Variants in LARS2 observed in about 807,000 individuals in gnomAD.
LARS2 encodes the protein leucyl-tRNA synthetase 2, mitochondrial, also known as leucine--tRNA ligase, mitochondrial.
Under a neutral mutation model 116.6 loss-of-function variants are expected in LARS2, and 81 were observed. That is an observed-to-expected ratio of 0.69 (90% CI 0.58 to 0.84). The LOEUF (loss-of-function observed/expected upper bound fraction) is 0.84. Among genes scored for constraint, LARS2 ranks in the 40% least tolerant of loss-of-function variants. The probability of loss-of-function intolerance (pLI) is 0.00; values close to 1 mark genes in which losing one functional copy is unlikely to be tolerated. For synonymous variants in LARS2, 396 were observed against 407.2 expected (o/e 0.97, Z 0.33); for missense variants, 968 against 1,114.5 (o/e 0.87, Z 1.87).
intron 2 of LARS2, 142 bp from the exon 3 acceptor site, chr3:45,394,291 T>TA (rs1267785575): frequency 1.7e-6 from 1 of 598,724 alleles, no homozygotes; most frequent in African/African-American, 1.9e-5. Context: ...ATTGAATTGC[T>TA]AAAGTATTCT....
intron 15 of LARS2, among the ~76,000 whole-genome samples, chr3:45,501,579 T>A (rs552710701): frequency 3.9e-5 from 6 of 152,342 alleles, no homozygotes; most frequent in African/African-American, 1.4e-4. Context: ...TTATGTATCA[T>A]ACCACCATTA....
intron 13 of LARS2, among the ~76,000 whole-genome samples, chr3:45,492,148 GGA>G (rs1699929949): frequency 6.6e-6 from 1 of 152,210 alleles, no homozygotes; most frequent in South Asian, 2.1e-4. Flanking sequence ...AGAGCCACGT[GGA>G]GAGGGGAGAA....
intron 8 of LARS2, among the ~76,000 whole-genome samples, chr3:45,461,093 T>C (rs1699315677): frequency 1.3e-5 from 2 of 152,210 alleles, no homozygotes; most frequent in African/African-American, 4.8e-5. Flanking sequence ...ACCCAGATGT[T>C]GGAATTAGTA....
chr3:45,493,501 A>G (rs1271264343), intron 13 of LARS2, among the ~76,000 whole-genome samples: 1 of 152,158 alleles, frequency 6.6e-6, no homozygotes, highest in African/African-American at 2.4e-5. Context: ...AGCCCACCAG[A>G]TGTGGATTCC....
intron 15 of LARS2, among the ~76,000 whole-genome samples, chr3:45,506,435 G>C (rs905002806): frequency 1.3e-5 from 2 of 152,072 alleles, no homozygotes; most frequent in Non-Finnish European, 2.9e-5. Flanking sequence ...ACTTTATCAA[G>C]CTGGGCTGGG....
chr3:45,418,541 T>TACCTTATATCACA (rs1698467087), intron 5 of LARS2, among the ~76,000 whole-genome samples: 1 of 152,244 alleles, frequency 6.6e-6, no homozygotes, highest in African/African-American at 2.4e-5. Flanking sequence ...GACCAGGAGT[T>TACCTTATATCACA]GGCAAACTAC....
intron 14 of LARS2, among the ~76,000 whole-genome samples, chr3:45,497,683 G>A (rs954496843): frequency 2.6e-5 from 4 of 152,134 alleles, no homozygotes; most frequent in Admixed American, 6.6e-5. Flanking sequence ...GAGGCAGGCT[G>A]ATCACCTGAG....
rs1699479624 is a variant in LARS2 at position 45,469,062 on chromosome 3, G to T, written c.751-5181G>T. Among the ~76,000 whole-genome samples, 4 of 152,082 alleles carry T rather than the reference G, an allele frequency of 2.6e-5. No individual in the cohort carries two copies. The South Asian group carries it at 8.3e-4, about 31-fold the overall frequency. On this transcript the variant is annotated intron_variant, in intron 8 of 21. Transcript: ENST00000645846. Reference sequence around the variant, plus strand: ...AAATCCCATGAAACCACACCTTGTTGGCAAGTCATATATCATTAGCAGGAT... The same window carrying T: ...AAATCCCATGAAACCACACCTTGTTTGCAAGTCATATATCATTAGCAGGAT...
At chr3:45,483,624 G>C (rs1699742803) in intron 10 of LARS2, among the ~76,000 whole-genome samples, 1 of 152,166 alleles carries the variant, frequency 6.6e-6, no homozygotes, top group Non-Finnish European at 1.5e-5. Context: ...ACTCTAGCCT[G>C]GGTGACAGAG....
intron 20 of LARS2, among the ~76,000 whole-genome samples, chr3:45,532,401 GTTAA>G (rs1700628560): frequency 6.6e-6 from 1 of 152,138 alleles, no homozygotes; most frequent in African/African-American, 2.4e-5. Context: ...TTTATGTTCA[GTTAA>G]TTGATTGCCT....
intron 20 of LARS2, 75 bp from the exon 21 acceptor site, chr3:45,541,754 G>A: frequency 1.3e-6 from 2 of 1,558,192 alleles, no homozygotes; most frequent in Non-Finnish European, 1.7e-6. Flanking sequence ...GTGTTGGGAT[G>A]GAAGCTTTGG....
intron 20 of LARS2, among the ~76,000 whole-genome samples, chr3:45,527,398 G>A (rs917982854): frequency 2.0e-5 from 3 of 152,190 alleles, no homozygotes; most frequent in Non-Finnish European, 4.4e-5. Context: ...GCCGAGGCAG[G>A]TGGATCATGA....
At chr3:45,465,982 C>T (rs535233560) in intron 8 of LARS2, among the ~76,000 whole-genome samples, 1 of 152,306 alleles carries the variant, frequency 6.6e-6, no homozygotes, top group South Asian at 2.1e-4. Context: ...CTTCTGCAGT[C>T]TCTGGGTCAG....
chr3:45,470,846 C>T (rs554324662), intron 8 of LARS2, among the ~76,000 whole-genome samples: 1 of 151,766 alleles, frequency 6.6e-6, no homozygotes, highest in African/African-American at 2.4e-5. Context: ...CCCTCAGATT[C>T]GATTTGAAAA....
At chr3:45,453,772 A>C (rs1039755285) in intron 7 of LARS2, among the ~76,000 whole-genome samples, 1 of 152,216 alleles carries the variant, frequency 6.6e-6, no homozygotes, top group African/African-American at 2.4e-5. Context: ...ATAGACCTTG[A>C]AAAAAATCAG....
intron 10 of LARS2, 31 bp from the exon 11 acceptor site, chr3:45,485,661 G>A (rs1699793167): frequency 3.1e-6 from 4 of 1,276,748 alleles, no homozygotes; most frequent in Non-Finnish European, 1.1e-6. Flanking sequence ...TCAGTTGAGT[G>A]GCATCCACAG....
At chr3:45,541,745 T>G in intron 20 of LARS2, 84 bp from the exon 21 acceptor site, 3 of 1,527,206 alleles carry the variant, frequency 2.0e-6, no homozygotes, top group Non-Finnish European at 2.7e-6. Context: ...AGCCAGGCTG[T>G]GTTGGGATGG....
chr3:45,513,107 GTTTTC>G (rs761955124), intron 15 of LARS2, 23 bp from the exon 16 acceptor site: 1 of 1,494,656 alleles, frequency 6.7e-7, no homozygotes, highest in South Asian at 1.1e-5. Flanking sequence ...CACTCCTCCT[GTTTTC>G]TTTTCCTGTC....
intron 20 of LARS2, among the ~76,000 whole-genome samples, chr3:45,535,760 ACACACACCCCCACACC>A (rs1307459939): frequency 2.0e-3 from 73 of 36,682 alleles, no homozygotes; most frequent in South Asian, 0.013. Context: ...ACACACACAC[ACACACACCCCCACACC>A]CACATACACA....
Sources: allele counts gnomAD v4.1 joint callset (sites outside exome capture counted in the v4.1 genomes callset), GRCh38; gene constraint gnomAD v4.1.1; transcripts MANE v1.5; gene names NCBI Gene and HGNC (gene_info 2026-07-23, HGNC 2026-07-21).